The following PTPRD variants were observed in gnomAD, a reference collection of about 807,000 sequenced individuals.
The protein encoded by PTPRD is protein tyrosine phosphatase receptor type D.
A neutral mutation model predicts 214.5 loss-of-function variants in PTPRD; 34 were observed. The observed-to-expected ratio is 0.16, with a 90% CI of 0.12 to 0.21. PTPRD has a LOEUF of 0.21. Among genes scored for constraint, PTPRD ranks in the 10% least tolerant of loss-of-function variants. The pLI is 1.00. For missense variants in PTPRD, 2,545 were observed against 2,398.7 expected (o/e 1.06, Z -1.27); for synonymous variants, 1,128 against 845.7 (o/e 1.33, Z -5.79).
chr9:8,493,516 C>T (rs140795018), intron 26 of PTPRD, among the ~76,000 whole-genome samples: 6 of 152,252 alleles, frequency 3.9e-5, no homozygotes, highest in South Asian at 2.1e-4. Context: ...TCACTATAGA[C>T]GAATTTTGCC....
At chr9:8,419,217 C>A (rs1053935851) in intron 35 of PTPRD, among the ~76,000 whole-genome samples, 1 of 146,288 alleles carries the variant, frequency 6.8e-6, no homozygotes, top group African/African-American at 2.5e-5. Flanking sequence ...CAAAGCATGA[C>A]CCACTCTCCA....
At chr9:10,063,820 G>C (rs2097825185) in intron 3 of PTPRD, among the ~76,000 whole-genome samples, 1 of 151,970 alleles carries the variant, frequency 6.6e-6, no homozygotes, top group Admixed American at 6.6e-5. Context: ...GCAGGTAGCA[G>C]TACTGGGGAA....
At chr9:10,048,626 A>G (rs907917809) in intron 3 of PTPRD, among the ~76,000 whole-genome samples, 3 of 151,976 alleles carry the variant, frequency 2.0e-5, no homozygotes, top group South Asian at 2.1e-4. Flanking sequence ...CTGCTGGGGG[A>G]AAAAAATCTT....
rs908159590 is a variant in PTPRD at position 8,315,544 on chromosome 9, G to C, written c.*2330C>G. ...AAACTAAAAGAAAATAATGATAACAGACCCACATAGTGCACATTCTTCTCT... is the reference window on the plus strand; with the variant it reads ...AAACTAAAAGAAAATAATGATAACACACCCACATAGTGCACATTCTTCTCT... On this transcript the variant is annotated 3_prime_UTR_variant, in exon 46 of 46. Coordinates refer to ENST00000381196, the MANE Select transcript of PTPRD (RefSeq NM_002839.4). 4.3e-6 allele frequency: 1 copy of C among 231,314 alleles called. No homozygotes were observed. The highest frequency in any genetic ancestry group is 8.6e-6 in the Non-Finnish European group (1 of 116,608). 14.3% of individuals were successfully genotyped at this position (231,314 alleles called of 1,614,324 possible).
At chr9:9,382,438 G>A (rs2062612864) in intron 9 of PTPRD, among the ~76,000 whole-genome samples, 1 of 151,938 alleles carries the variant, frequency 6.6e-6, no homozygotes. Context: ...ATGATAAAGG[G>A]CTAATATCCA....
At chr9:9,138,934 G>A (rs7038968) in intron 10 of PTPRD, among the ~76,000 whole-genome samples, 8,467 of 152,046 alleles carry the variant, frequency 0.056, 804 homozygotes, top group African/African-American at 0.19. Context: ...TAGACACTAA[G>A]TAATAGCATA....
chr9:10,256,071 G>C (rs1457953106), intron 3 of PTPRD, among the ~76,000 whole-genome samples: 1 of 152,144 alleles, frequency 6.6e-6, no homozygotes, highest in Non-Finnish European at 1.5e-5. Context: ...GCATATGTGA[G>C]GAGTCTAGGT....
chr9:9,843,609 A>G (rs2058822413), intron 5 of PTPRD, among the ~76,000 whole-genome samples: 1 of 152,140 alleles, frequency 6.6e-6, no homozygotes, highest in South Asian at 2.1e-4. Context: ...TTGACAGGAT[A>G]TATCTCATGT....
intron 5 of PTPRD, among the ~76,000 whole-genome samples, chr9:9,814,312 A>G (rs10978003): frequency 1.4e-5 from 2 of 144,214 alleles, no homozygotes; most frequent in African/African-American, 2.5e-5. Flanking sequence ...AAGAAAGAAA[A>G]AAAAAAAAGC....
intron 36 of PTPRD, among the ~76,000 whole-genome samples, chr9:8,397,215 G>C (rs1036063628): frequency 1.3e-5 from 2 of 152,042 alleles, no homozygotes; most frequent in African/African-American, 4.8e-5. Flanking sequence ...CAAACATGAG[G>C]TGCCAACAAA....
intron 8 of PTPRD, among the ~76,000 whole-genome samples, chr9:9,424,780 T>C (rs1263011959): frequency 2.0e-5 from 3 of 152,188 alleles, no homozygotes; most frequent in Non-Finnish European, 4.4e-5. Context: ...AAAGTCAATA[T>C]TTTAAAATTG....
chr9:9,717,857 A>G (rs770799073), intron 7 of PTPRD, among the ~76,000 whole-genome samples: 2 of 152,190 alleles, frequency 1.3e-5, no homozygotes, highest in Non-Finnish European at 2.9e-5. Flanking sequence ...TCTGTAAAAC[A>G]CTTAGGGCAA....
Position 10,478,202 on chromosome 9 carries a change from G to C in PTPRD, c.-600+134196C>G, listed in dbSNP as rs915883660. On this transcript the variant is annotated intron_variant, in intron 2 of 45. Transcript: ENST00000381196. ...CCCGAATTCACAGTATGTTAAACTAGAAAAGTATAGTCATTATTTCCCATT... is the reference window on the plus strand; with the variant it reads ...CCCGAATTCACAGTATGTTAAACTACAAAAGTATAGTCATTATTTCCCATT... Among the ~76,000 whole-genome samples the C allele has an allele frequency of 3.3e-5, 5 of 152,062 alleles. No individual in the cohort carries two copies. The East Asian group carries it at 7.7e-4, about 24-fold the overall frequency.
chr9:8,441,173 G>A (rs2095535271), intron 34 of PTPRD, among the ~76,000 whole-genome samples: 1 of 152,084 alleles, frequency 6.6e-6, no homozygotes, highest in African/African-American at 2.4e-5. Context: ...TTCCAGGGCT[G>A]GCTTTTGTGT....
At chr9:9,076,471 T>C (rs1367396861) in intron 10 of PTPRD, among the ~76,000 whole-genome samples, 11 of 152,102 alleles carry the variant, frequency 7.2e-5, no homozygotes, top group Admixed American at 7.2e-4. Context: ...CAGCCTCTGG[T>C]AAGTATCATT....
intron 11 of PTPRD, among the ~76,000 whole-genome samples, chr9:8,988,111 G>A (rs2099352734): frequency 6.6e-6 from 1 of 151,968 alleles, no homozygotes; most frequent in Admixed American, 6.6e-5. Context: ...GTATATGACA[G>A]CTAAGATAGG....
intron 11 of PTPRD, among the ~76,000 whole-genome samples, chr9:8,953,910 C>T (rs1324834387): frequency 2.6e-5 from 4 of 151,804 alleles, no homozygotes; most frequent in Non-Finnish European, 5.9e-5. Flanking sequence ...TGTAATTAGT[C>T]CTGCCACTGC....
At chr9:9,681,654 A>C (rs1322911929) in intron 7 of PTPRD, among the ~76,000 whole-genome samples, 1 of 151,694 alleles carries the variant, frequency 6.6e-6, no homozygotes. Context: ...TTCTCCTTAC[A>C]TCTTTTATCT....
chr9:8,690,528 C>CAAAA (rs60727792), intron 12 of PTPRD, among the ~76,000 whole-genome samples: 4 of 126,898 alleles, frequency 3.2e-5, no homozygotes, highest in African/African-American at 1.1e-4. Flanking sequence ...GACTCCGTCT[C>CAAAA]AAAAAAAAAA....
Sources: allele counts gnomAD v4.1 joint callset (sites outside exome capture counted in the v4.1 genomes callset), GRCh38; gene constraint gnomAD v4.1.1; transcripts MANE v1.5; gene names NCBI Gene and HGNC (gene_info 2026-07-23, HGNC 2026-07-21).